The following DMD variants were observed in gnomAD, a reference collection of about 807,000 sequenced individuals.
DMD encodes the protein mutant dystrophin.
A neutral mutation model predicts 330.1 loss-of-function variants in DMD; 63 were observed. The observed-to-expected ratio is 0.19, with a 90% CI of 0.16 to 0.24. The LOEUF is 0.24. Ranked by LOEUF, DMD falls within the 10% of genes least tolerant of loss-of-function variation. The probability of loss-of-function intolerance (pLI) is 1.00; values close to 1 mark genes in which losing one functional copy is unlikely to be tolerated. For synonymous variants in DMD, 1,223 were observed against 959.8 expected (o/e 1.27, Z -5.07); for missense variants, 3,344 against 2,684.1 (o/e 1.25, Z -5.43).
chrX:32,032,219 T>G (rs920929998), intron 44 of DMD, among the ~76,000 whole-genome samples: 15 of 111,925 alleles, frequency 1.3e-4, no homozygotes, highest in Non-Finnish European at 2.3e-4. Context: ...TGATTTTAGA[T>G]TTATACTGTC....
At chrX:33,179,714 A>G (rs2049881940) in intron 1 of DMD, among the ~76,000 whole-genome samples, 1 of 110,682 alleles carries the variant, frequency 9.0e-6, no homozygotes, top group Non-Finnish European at 1.9e-5. Context: ...AAAGAAAGAA[A>G]AGAAATTGAA....
intron 1 of DMD, among the ~76,000 whole-genome samples, chrX:33,329,227 A>G (rs1417092406): frequency 8.9e-6 from 1 of 111,829 alleles, no homozygotes; most frequent in Non-Finnish European, 1.9e-5. Context: ...GAGAAACACA[A>G]TGAGATACTA....
chrX:32,396,386 A>G (rs2098044357), intron 30 of DMD, among the ~76,000 whole-genome samples: 2 of 111,504 alleles, frequency 1.8e-5, no homozygotes, highest in Admixed American at 1.9e-4. Flanking sequence ...ATGTATAGGC[A>G]TTTCTAGTGA....
intron 57 of DMD, among the ~76,000 whole-genome samples, chrX:31,483,159 G>T (rs1371344038): frequency 2.9e-5 from 3 of 102,421 alleles, no homozygotes; most frequent in South Asian, 4.5e-4. Context: ...CCATTCTCCT[G>T]CCTCAGCCTC....
At chrX:32,703,357 T>C (rs1042550620) in intron 7 of DMD, among the ~76,000 whole-genome samples, 4 of 111,574 alleles carry the variant, frequency 3.6e-5, no homozygotes, top group African/African-American at 6.5e-5. Context: ...GTTGCATTTT[T>C]TTGTCATTTT....
At chrX:31,739,228 A>T (rs1480669187) in intron 51 of DMD, among the ~76,000 whole-genome samples, 1 of 111,488 alleles carries the variant, frequency 9.0e-6, no homozygotes, top group African/African-American at 3.3e-5. Flanking sequence ...GTACTCACAA[A>T]ACTTAAAAAT....
intron 2 of DMD, among the ~76,000 whole-genome samples, chrX:32,856,447 G>C (rs566255404): frequency 4.2e-4 from 46 of 110,690 alleles, no homozygotes; most frequent in African/African-American, 1.5e-3. Context: ...AGAAAATGTG[G>C]TACATATATA....
intron 2 of DMD, among the ~76,000 whole-genome samples, chrX:32,884,497 G>A (rs12010532): frequency 0.051 from 5,711 of 111,634 alleles, 329 homozygotes; most frequent in African/African-American, 0.17. Flanking sequence ...GGCAATATTT[G>A]TCAATATTTT....
At chrX:33,322,472 G>A (rs1010605815) in intron 1 of DMD, among the ~76,000 whole-genome samples, 1 of 111,210 alleles carries the variant, frequency 9.0e-6, no homozygotes, top group African/African-American at 3.3e-5. Flanking sequence ...CATGACTCAT[G>A]TTGCCCCCAA....
intron 44 of DMD, among the ~76,000 whole-genome samples, chrX:32,020,055 T>A (rs1021738228): frequency 3.5e-5 from 4 of 112,923 alleles, no homozygotes. Context: ...GCTTTGAAAT[T>A]CACTAGTAGA....
At chrX:31,212,158 A>G (rs866413682) in intron 64 of DMD, among the ~76,000 whole-genome samples, 69 of 78,114 alleles carry the variant, frequency 8.8e-4, no homozygotes, top group Middle Eastern at 6.6e-3. Flanking sequence ...ATATATATAT[A>G]TATATATATG....
chrX:31,834,452 A>T (rs1451859507), intron 49 of DMD, among the ~76,000 whole-genome samples: 1 of 111,385 alleles, frequency 9.0e-6, no homozygotes. Context: ...ATATATATAT[A>T]TTTTGAGACG....
intron 43 of DMD, among the ~76,000 whole-genome samples, chrX:32,286,503 G>A (rs1307650424): frequency 2.7e-5 from 3 of 111,465 alleles, no homozygotes; most frequent in African/African-American, 9.8e-5. Context: ...CTATAGGGCA[G>A]GCACGAAGAA....
At chrX:31,550,376 TAGTC>T (rs1273740994) in intron 55 of DMD, among the ~76,000 whole-genome samples, 4 of 112,100 alleles carry the variant, frequency 3.6e-5, no homozygotes, top group African/African-American at 1.3e-4. Context: ...TGGAATAAAA[TAGTC>T]AGCAACAGAA....
intron 55 of DMD, among the ~76,000 whole-genome samples, chrX:31,614,395 G>C (rs1019715023): frequency 1.8e-4 from 20 of 112,039 alleles, no homozygotes; most frequent in African/African-American, 6.1e-4. Context: ...ATAGATATTA[G>C]AGAGGAAAAA....
intron 42 of DMD, among the ~76,000 whole-genome samples, chrX:32,307,062 T>C (rs1462989110): frequency 9.0e-6 from 1 of 111,293 alleles, no homozygotes; most frequent in Non-Finnish European, 1.9e-5. Context: ...TAAGAATTTC[T>C]CTACGTAAAT....
At chrX:32,666,524 A>G (rs2061314093) in intron 9 of DMD, among the ~76,000 whole-genome samples, 3 of 111,110 alleles carry the variant, frequency 2.7e-5, no homozygotes, top group Admixed American at 9.6e-5. Flanking sequence ...ATGTCCCTGC[A>G]AAGGACAAGA....
At chrX:31,152,002 T>A (rs1312213766) in intron 74 of DMD, among the ~76,000 whole-genome samples, 1 of 112,042 alleles carries the variant, frequency 8.9e-6, no homozygotes, top group African/African-American at 3.2e-5. Flanking sequence ...TCTAATTCCC[T>A]TGCCTTCTCT....
intron 1 of DMD, among the ~76,000 whole-genome samples, chrX:33,168,561 C>T (rs1170509013): frequency 9.1e-6 from 1 of 109,871 alleles, no homozygotes; most frequent in Non-Finnish European, 1.9e-5. Context: ...GGAAATTAAA[C>T]ATATTAAAGA....
Sources: gnomAD v4.1 joint callset for allele counts (sites outside exome capture counted in the v4.1 genomes callset) on GRCh38, gnomAD v4.1.1 for gene constraint, MANE v1.5 for transcripts, NCBI Gene and HGNC (gene_info 2026-07-23, HGNC 2026-07-21) for gene names.